Variants in MAOB observed in about 807,000 individuals in gnomAD.
The protein encoded by MAOB is monoamine oxidase B.
MAOB carries 15 observed loss-of-function variants against 41.9 expected under a neutral mutation model. The ratio of observed to expected loss-of-function variants is 0.36; its 90% CI spans 0.24 to 0.55. The LOEUF is 0.55. Ranked by LOEUF, MAOB falls within the 20% of genes least tolerant of loss-of-function variation. The pLI, the probability that MAOB is intolerant of heterozygous loss-of-function variation, is 0.86. For missense variants in MAOB, 345 were observed against 398.7 expected, an observed-to-expected ratio of 0.87 and a Z score of 1.15; for synonymous variants, 167 against 144.2, an observed-to-expected ratio of 1.16 and a Z score of -1.13.
intron 5 of MAOB, 151 bp downstream of exon 5, chrX:43,802,021 G>A: frequency 2.0e-6 from 1 of 500,968 alleles, no homozygotes; most frequent in African/African-American, 2.3e-5. Flanking sequence ...TTCAGGGTAG[G>A]AGCCAATTCC....
intron 4 of MAOB, 21 bp from the exon 5 acceptor site, chrX:43,802,284 G>A (rs1300907861): frequency 1.0e-6 from 1 of 985,995 alleles, no homozygotes; most frequent in Non-Finnish European, 1.4e-6. Flanking sequence ...ATGAGGATTC[G>A]AAGGAGAAAG....
intron 3 of MAOB, among the ~76,000 whole-genome samples, chrX:43,822,770 C>T (rs992368021): frequency 1.8e-5 from 2 of 110,959 alleles, no homozygotes; most frequent in African/African-American, 6.6e-5. Context: ...AAGTCATGAG[C>T]ACAAAGAAAG....
intron 2 of MAOB, among the ~76,000 whole-genome samples, chrX:43,840,745 A>G (rs1221670018): frequency 9.0e-6 from 1 of 110,958 alleles, no homozygotes; most frequent in Non-Finnish European, 1.9e-5. Flanking sequence ...CATGAGGAAC[A>G]GTGCATTCTG....
intron 3 of MAOB, among the ~76,000 whole-genome samples, chrX:43,819,566 T>C (rs1029676002): frequency 4.5e-5 from 5 of 111,575 alleles, no homozygotes; most frequent in African/African-American, 1.6e-4. Context: ...ACCAACATGC[T>C]ATTCGCCACC....
chrX:43,804,552 G>A (rs2034638763), intron 3 of MAOB, among the ~76,000 whole-genome samples: 1 of 111,613 alleles, frequency 9.0e-6, no homozygotes, highest in South Asian at 3.8e-4. Flanking sequence ...TAGATGGAGA[G>A]AGAGACAGAG....
intron 1 of MAOB, among the ~76,000 whole-genome samples, chrX:43,847,302 G>A (rs1466119703): frequency 9.0e-6 from 1 of 111,221 alleles, no homozygotes; most frequent in Admixed American, 9.5e-5. Context: ...CCAAGACCAT[G>A]CCACTGCACT....
intron 3 of MAOB, among the ~76,000 whole-genome samples, chrX:43,807,262 A>T (rs2034677049): frequency 8.9e-6 from 1 of 112,248 alleles, no homozygotes; most frequent in African/African-American, 3.2e-5. Flanking sequence ...TCCCCATTCT[A>T]GCTCTGCCTC....
chrX:43,826,734 TGAG>T (rs2147154881), intron 3 of MAOB, among the ~76,000 whole-genome samples: 1 of 111,126 alleles, frequency 9.0e-6, no homozygotes, highest in Admixed American at 9.6e-5. Flanking sequence ...CATCCTTTTA[TGAG>T]GAGTCCACTT....
intron 3 of MAOB, among the ~76,000 whole-genome samples, chrX:43,804,118 C>A (rs939505917): frequency 9.0e-6 from 1 of 111,157 alleles, no homozygotes; most frequent in African/African-American, 3.3e-5. Context: ...CGCAAAAAAA[C>A]CCACTTTGGG....
intron 3 of MAOB, among the ~76,000 whole-genome samples, chrX:43,804,271 G>GT (rs1396499771): frequency 1.8e-5 from 2 of 111,461 alleles, no homozygotes; most frequent in African/African-American, 6.5e-5. Context: ...TTCTGTTGAT[G>GT]TTGTACAGGC....
At chrX:43,787,289 G>A (rs2034412351) in intron 8 of MAOB, among the ~76,000 whole-genome samples, 1 of 111,485 alleles carries the variant, frequency 9.0e-6, no homozygotes, top group African/African-American at 3.3e-5. Flanking sequence ...CAGGAGCTTT[G>A]ATGAGATGAT....
At chrX:43,815,951 G>A (rs2034809203) in intron 3 of MAOB, among the ~76,000 whole-genome samples, 1 of 111,488 alleles carries the variant, frequency 9.0e-6, no homozygotes, top group Non-Finnish European at 1.9e-5. Context: ...TTCCTTAATC[G>A]TGCACCATAC....
In MAOB at chrX:43,882,434, C is replaced by A. The variant is rs1304724937; in HGVS notation, c.-135G>T. ...GCGCTGCCCCCGTGCACCAGCGCCTCGGCGAGCCGCTATATTACCAGCCCC... is the reference window on the plus strand; with the variant it reads ...GCGCTGCCCCCGTGCACCAGCGCCTAGGCGAGCCGCTATATTACCAGCCCC... On this transcript the variant is annotated 5_prime_UTR_variant, in exon 1 of 15. Coordinates refer to ENST00000378069, the MANE Select transcript of MAOB (RefSeq NM_000898.5). 6 of 1,017,728 alleles carry A rather than the reference C, an allele frequency of 5.9e-6. No homozygotes were observed. The highest frequency in any genetic ancestry group is 6.2e-6 in the Non-Finnish European group (5 of 801,584). The allele number at this position is 1,017,728 out of a possible 1,213,427, so 83.9% of individuals were successfully genotyped here.
At chrX:43,846,615 G>A (rs2035205787) in intron 1 of MAOB, among the ~76,000 whole-genome samples, 1 of 111,359 alleles carries the variant, frequency 9.0e-6, no homozygotes, top group Admixed American at 9.5e-5. Context: ...CAATTTAGAA[G>A]GAGGGAATTT....
chrX:43,876,841 T>C (rs993856789), intron 1 of MAOB, among the ~76,000 whole-genome samples: 3 of 112,293 alleles, frequency 2.7e-5, no homozygotes, highest in African/African-American at 9.7e-5. Flanking sequence ...CGAGTGTGCA[T>C]GCACGCGTGT....
intron 2 of MAOB, among the ~76,000 whole-genome samples, chrX:43,840,430 T>C (rs1408927697): frequency 8.9e-6 from 1 of 111,920 alleles, no homozygotes; most frequent in Non-Finnish European, 1.9e-5. Context: ...ACTCAGTAGA[T>C]ATTTGCTGAG....
At chrX:43,785,488 C>T (rs2034387664) in intron 8 of MAOB, among the ~76,000 whole-genome samples, 1 of 112,687 alleles carries the variant, frequency 8.9e-6, no homozygotes, top group African/African-American at 3.2e-5. Context: ...ACTTTCTTAT[C>T]ATTCATATGT....
At chrX:43,787,703 A>G (rs2034417644) in intron 8 of MAOB, among the ~76,000 whole-genome samples, 1 of 110,764 alleles carries the variant, frequency 9.0e-6, no homozygotes, top group Non-Finnish European at 1.9e-5. Flanking sequence ...AATGTTTAGA[A>G]CGCAGTGAAA....
intron 10 of MAOB, among the ~76,000 whole-genome samples, chrX:43,779,600 A>T (rs893606217): frequency 1.5e-4 from 17 of 112,016 alleles, no homozygotes; most frequent in African/African-American, 5.5e-4. Flanking sequence ...TTTGTTCCAG[A>T]CACTGGAAAC....
Sources: gnomAD v4.1 joint callset for allele counts (sites outside exome capture counted in the v4.1 genomes callset) on GRCh38, gnomAD v4.1.1 for gene constraint, MANE v1.5 for transcripts, NCBI Gene and HGNC (gene_info 2026-07-23, HGNC 2026-07-21) for gene names.